Variants in CMKLR2 observed in about 807,000 individuals in gnomAD.
CMKLR2 encodes the protein chemerin-like receptor 2.
Under a neutral mutation model 23.0 loss-of-function variants are expected in CMKLR2, and 18 were observed. The ratio of observed to expected loss-of-function variants is 0.78; its 90% CI spans 0.54 to 1.16. The LOEUF (loss-of-function observed/expected upper bound fraction) is 1.16, where lower values mean the gene tolerates loss of function less well. Ranked by LOEUF, CMKLR2 falls within the 50% of genes most tolerant of loss-of-function variation. CMKLR2 has a pLI of 0.00. For missense variants in CMKLR2, 401 were observed against 412.7 expected, an observed-to-expected ratio of 0.97 and a Z score of 0.25; for synonymous variants, 158 against 158.9, an observed-to-expected ratio of 0.99 and a Z score of 0.05.
At chr2:206,206,067 C>G (rs1018911083) in intron 1 of CMKLR2, among the ~76,000 whole-genome samples, 6 of 152,134 alleles carry the variant, frequency 3.9e-5, no homozygotes, top group African/African-American at 1.4e-4. Flanking sequence ...ACACCCTTCC[C>G]CATTCAACTA....
At chr2:206,197,963 T>TCA (rs1327227894) in intron 1 of CMKLR2, among the ~76,000 whole-genome samples, 2 of 152,084 alleles carry the variant, frequency 1.3e-5, no homozygotes, top group African/African-American at 4.8e-5. Context: ...CCTGGACAGC[T>TCA]CACTCTACAC....
At chr2:206,202,674 G>A (rs1689141324) in intron 1 of CMKLR2, among the ~76,000 whole-genome samples, 1 of 151,842 alleles carries the variant, frequency 6.6e-6, no homozygotes, top group African/African-American at 2.4e-5. Context: ...CAGGGCGCCC[G>A]CCTCATTCGG....
chr2:206,186,362 C>T (rs544875401), intron 1 of CMKLR2, among the ~76,000 whole-genome samples: 10 of 152,222 alleles, frequency 6.6e-5, no homozygotes, highest in East Asian at 3.9e-4. Flanking sequence ...CCGCCTGCCT[C>T]GGCCTCTCAA....
upstream of CMKLR2, among the ~76,000 whole-genome samples, chr2:206,214,045 G>C (rs1171043696): frequency 6.6e-6 from 1 of 151,958 alleles, no homozygotes; most frequent in African/African-American, 2.4e-5. Context: ...GTAGATACGG[G>C]GTTTCACCAC....
chr2:206,214,525 T>C (rs559535733), upstream of CMKLR2, among the ~76,000 whole-genome samples: 7 of 152,282 alleles, frequency 4.6e-5, no homozygotes, highest in East Asian at 1.4e-3. Flanking sequence ...AATTCATAAA[T>C]TCAAGGGATG....
chr2:206,207,355 G>C (rs1405885018), intron 1 of CMKLR2, among the ~76,000 whole-genome samples: 1 of 152,002 alleles, frequency 6.6e-6, no homozygotes, highest in Non-Finnish European at 1.5e-5. Context: ...GGCCAGGCTG[G>C]TCTCGAACTC....
chr2:206,193,812 T>A (rs1268105273), intron 1 of CMKLR2, among the ~76,000 whole-genome samples: 3 of 152,204 alleles, frequency 2.0e-5, no homozygotes, highest in Non-Finnish European at 4.4e-5. Context: ...CAGGCCAAGA[T>A]AGCCTTCCAA....
At chr2:206,195,961 A>G (rs1306258963) in intron 1 of CMKLR2, among the ~76,000 whole-genome samples, 2 of 151,270 alleles carry the variant, frequency 1.3e-5, no homozygotes, top group Non-Finnish European at 3.0e-5. Context: ...TCTCAAAAAC[A>G]AACAAACAAA....
chr2:206,187,385 G>T (rs1216325995), intron 1 of CMKLR2, among the ~76,000 whole-genome samples: 1 of 152,200 alleles, frequency 6.6e-6, no homozygotes, highest in African/African-American at 2.4e-5. Context: ...TTGGGGCAGA[G>T]CACAGCTTAC....
rs759796967 is a variant in CMKLR2 at position 206,176,867 on chromosome 2, GA to G, written c.380del (p.Phe127SerfsTer2). The G allele has an allele frequency of 7.4e-6, 12 of 1,613,920 alleles. No homozygotes were observed. The highest frequency in any genetic ancestry group is 2.2e-5 in the South Asian group (2 of 91,070). ...AQLNMFASVF[F>X]LTVISLDHYI... Reference sequence around the variant, plus strand: ...AGTGGTCCAGGCTGATCACTGTCAGGAAAAAAACACTGGCAAACATGTTCAA... The same window carrying G: ...AGTGGTCCAGGCTGATCACTGTCAGGAAAAAACACTGGCAAACATGTTCAA... On this transcript the variant is annotated frameshift_variant, in exon 2 of 2. Coordinates refer to ENST00000621141, the MANE Select transcript of CMKLR2 (RefSeq NM_001389445.1). LOFTEE classifies it high-confidence loss of function.
In CMKLR2 at chr2:206,198,569, A is replaced by G. The variant is rs184600495; in HGVS notation, c.-29+14738T>C. Among the ~76,000 whole-genome samples, 21 of 152,298 alleles carry G rather than the reference A, an allele frequency of 1.4e-4. No homozygotes were observed. In the South Asian group the frequency reaches 3.9e-3, roughly 29 times the overall value. ...CTTGCACAGAGTGGACATTCAAACAATGTCTTCCAGTAAATGGTTTTTTGC... is the reference window on the plus strand; with the variant it reads ...CTTGCACAGAGTGGACATTCAAACAGTGTCTTCCAGTAAATGGTTTTTTGC... On this transcript the variant is annotated intron_variant, in intron 1 of 1. Transcript: ENST00000621141.
rs201199220 is a variant in CMKLR2, at chr2:206,196,236, G to A, written c.-29+17071C>T. On this transcript the variant is annotated intron_variant, in intron 1 of 1. Transcript: ENST00000621141. The stretch of plus-strand genomic sequence containing the variant: ...CTAAAAATACAAAAATTAGCTGAGC[G>A]TGGTGGCACACGCCTGTAATCCGAG... 5.3e-5 allele frequency among the ~76,000 whole-genome samples: 8 copies of A among 152,074 alleles called. No homozygotes were observed. In the East Asian group the frequency reaches 7.8e-4, roughly 15 times the overall value.
intron 1 of CMKLR2, among the ~76,000 whole-genome samples, chr2:206,199,833 C>T (rs375637007): frequency 1.3e-5 from 2 of 152,044 alleles, no homozygotes; most frequent in East Asian, 2.0e-4. Context: ...CCACCTGCCT[C>T]GCCCTCCCAA....
intron 1 of CMKLR2, among the ~76,000 whole-genome samples, chr2:206,189,659 A>C (rs1463157622): frequency 6.6e-6 from 1 of 152,028 alleles, no homozygotes; most frequent in Non-Finnish European, 1.5e-5. Flanking sequence ...AAAGAAAAGA[A>C]AAGAATGAAT....
chr2:206,185,609 G>C (rs1449001232), intron 1 of CMKLR2, among the ~76,000 whole-genome samples: 1 of 152,212 alleles, frequency 6.6e-6, no homozygotes, highest in Non-Finnish European at 1.5e-5. Context: ...GTTATAGAAA[G>C]ATCCCTCTTT....
chr2:206,205,561 AG>A lies in CMKLR2; in HGVS notation c.-29+7745del, dbSNP rs200796214. Among the ~76,000 whole-genome samples, 1,409 of 151,300 alleles carry A rather than the reference AG, an allele frequency of 9.3e-3. 25 individuals carry two copies. The highest frequency in any genetic ancestry group is 0.032 in the African/African-American group (1,320 of 41,222). On this transcript the variant is annotated intron_variant, in intron 1 of 1. Transcript: ENST00000621141. ...TTTTTTTTAAATTTGGGGTAGAGAC[AG>A]GGTCTTATTATGTTGCTCAGGCTGG...
At chr2:206,190,803 G>T (rs1376133129) in intron 1 of CMKLR2, among the ~76,000 whole-genome samples, 1 of 152,134 alleles carries the variant, frequency 6.6e-6, no homozygotes, top group Non-Finnish European at 1.5e-5. Flanking sequence ...TCGAATTCTT[G>T]TCATAAAAGG....
chr2:206,216,846 C>A (rs570469046), upstream of CMKLR2, among the ~76,000 whole-genome samples: 4 of 152,058 alleles, frequency 2.6e-5, no homozygotes, highest in Non-Finnish European at 5.9e-5. Context: ...TTAAGTGGGT[C>A]ATCCCCTCCC....
intron 1 of CMKLR2, among the ~76,000 whole-genome samples, chr2:206,196,191 G>A (rs1018392209): frequency 6.6e-6 from 1 of 151,888 alleles, no homozygotes; most frequent in African/African-American, 2.4e-5. Context: ...CCTGGCAAAC[G>A]CAGTGAAACC....
Sources: allele counts gnomAD v4.1 joint callset (sites outside exome capture counted in the v4.1 genomes callset), GRCh38; gene constraint gnomAD v4.1.1; transcripts MANE v1.5; gene names NCBI Gene and HGNC (gene_info 2026-07-23, HGNC 2026-07-21).